The following PRKCQ variants were observed in gnomAD, a reference collection of about 807,000 sequenced individuals.
PRKCQ encodes protein kinase C theta type.
PRKCQ carries 41 observed loss-of-function variants against 91.2 expected under a neutral mutation model. That is an observed-to-expected ratio of 0.45 (90% CI 0.35 to 0.58). PRKCQ has a LOEUF of 0.58. Among genes scored for constraint, PRKCQ ranks in the 20% least tolerant of loss-of-function variants. The pLI is 0.00. For synonymous variants in PRKCQ, 307 were observed against 316.9 expected (o/e 0.97, Z 0.33); for missense variants, 673 against 896.5 (o/e 0.75, Z 3.18).
chr10:6,494,511 C>T (rs759818039), intron 7 of PRKCQ, among the ~76,000 whole-genome samples: 3 of 152,158 alleles, frequency 2.0e-5, no homozygotes, highest in Non-Finnish European at 4.4e-5. Context: ...CCAAGATGCC[C>T]CTGACATTTC....
the PRKCQ span, among the ~76,000 whole-genome samples, chr10:6,407,656 G>A: frequency 6.6e-6 from 1 of 151,892 alleles, no homozygotes; most frequent in African/African-American, 2.4e-5. This position sits in a 1 kb window ranked among gnomAD's most constrained non-coding sequence, Gnocchi z 4.0. Flanking sequence ...GGTTGCATGT[G>A]AATGAATGTG....
At chr10:6,417,569 T>C in the PRKCQ span, among the ~76,000 whole-genome samples, 1 of 152,258 alleles carries the variant, frequency 6.6e-6, no homozygotes, top group Non-Finnish European at 1.5e-5. Flanking sequence ...GCCAGCGTGA[T>C]GCTCAGAATC....
chr10:6,498,782 A>T lies in PRKCQ; in HGVS notation c.380-224T>A, dbSNP rs187872827. Among the ~76,000 whole-genome samples, 9 of 152,256 alleles carry T rather than the reference A, an allele frequency of 5.9e-5. No individual in the cohort carries two copies. In the East Asian group the frequency reaches 1.2e-3, roughly 20 times the overall value. On this transcript the variant is annotated intron_variant, in intron 4 of 17. Coordinates refer to ENST00000263125, the MANE Select transcript of PRKCQ (RefSeq NM_006257.5). Reference sequence around the variant, plus strand: ...TAGGGCATATTGTTAGAGGGTGAAAACAATGTTGGATTGCTGGCTCAATCC... The same window carrying T: ...TAGGGCATATTGTTAGAGGGTGAAATCAATGTTGGATTGCTGGCTCAATCC...
intron 12 of PRKCQ, among the ~76,000 whole-genome samples, chr10:6,470,711 G>A (rs1403510525): frequency 6.6e-6 from 1 of 152,156 alleles, no homozygotes; most frequent in African/African-American, 2.4e-5. Context: ...AGCATTTTGG[G>A]AGCCTGAGGT....
At position 6,497,428 on chromosome 10, in the gene PRKCQ, G is replaced by A. The variant is rs486442; in HGVS notation, c.543-177C>T. 5.9e-5 allele frequency among the ~76,000 whole-genome samples: 9 copies of A among 152,020 alleles called. No homozygotes were observed. The highest frequency in any genetic ancestry group is 1.9e-4 in the African/African-American group (8 of 41,466). ...CAGAGTGTTTTTCATTTGAAGCTGC[G>A]TTTTAAAAAGTTTGATAATTAAATA... On this transcript the variant is annotated intron_variant, in intron 5 of 17. Coordinates refer to ENST00000263125, the MANE Select transcript of PRKCQ (RefSeq NM_006257.5). This position sits in a 1 kb window ranked among gnomAD's most constrained non-coding sequence, Gnocchi z 4.5.
intron 12 of PRKCQ, among the ~76,000 whole-genome samples, chr10:6,473,741 G>A (rs1836117299): frequency 6.6e-6 from 1 of 152,186 alleles, no homozygotes; most frequent in African/African-American, 2.4e-5. Flanking sequence ...GAGAGCTTCA[G>A]ATGAAGCAGT....
intron 1 of PRKCQ, among the ~76,000 whole-genome samples, chr10:6,548,330 T>G (rs1476019782): frequency 2.0e-5 from 3 of 152,018 alleles, no homozygotes; most frequent in Admixed American, 1.3e-4. Context: ...TGTGGCGATT[T>G]CTCAGGGATC....
chr10:6,547,369 T>C (rs1840001865), intron 1 of PRKCQ, among the ~76,000 whole-genome samples: 1 of 151,198 alleles, frequency 6.6e-6, no homozygotes, highest in Non-Finnish European at 1.5e-5. Flanking sequence ...CTTCACAGAA[T>C]TGGAAAAAAC....
At chr10:6,446,073 C>T (rs1477400671) in intron 15 of PRKCQ, among the ~76,000 whole-genome samples, 1 of 152,160 alleles carries the variant, frequency 6.6e-6, no homozygotes, top group Non-Finnish European at 1.5e-5. Context: ...ACACGTGCAG[C>T]AGAGTGTTCG....
intron 1 of PRKCQ, among the ~76,000 whole-genome samples, chr10:6,518,592 C>T (rs908457397): frequency 1.3e-5 from 2 of 152,206 alleles, no homozygotes; most frequent in African/African-American, 2.4e-5. Flanking sequence ...GAAGCCAAGG[C>T]GAGGAGATCA....
At chr10:6,470,371 C>T (rs986585168) in intron 12 of PRKCQ, among the ~76,000 whole-genome samples, 38 of 152,156 alleles carry the variant, frequency 2.5e-4, no homozygotes, top group Non-Finnish European at 4.9e-4. Context: ...TTGATTCTGA[C>T]GCTCATATAT....
At chr10:6,553,476 C>A in intron 1 of PRKCQ, among the ~76,000 whole-genome samples, 2 of 135,984 alleles carry the variant, frequency 1.5e-5, no homozygotes, top group Admixed American at 7.6e-5. Context: ...GGTGACAGAG[C>A]AAGACCCTGT....
the PRKCQ span, among the ~76,000 whole-genome samples, chr10:6,404,616 T>A: frequency 6.7e-6 from 1 of 150,120 alleles, no homozygotes; most frequent in African/African-American, 2.5e-5. Flanking sequence ...TCTCTCTTTC[T>A]TTCTCTCTTT....
the PRKCQ span, among the ~76,000 whole-genome samples, chr10:6,404,585 TTC>T: frequency 4.1e-5 from 6 of 145,450 alleles, no homozygotes; most frequent in Non-Finnish European, 9.0e-5. Context: ...CTTTCTTTCT[TTC>T]TTTTTTTCTC....
At chr10:6,547,931 C>G (rs1272725095) in intron 1 of PRKCQ, among the ~76,000 whole-genome samples, 8 of 150,048 alleles carry the variant, frequency 5.3e-5, no homozygotes, top group Non-Finnish European at 1.2e-4. Flanking sequence ...AAACTACCAT[C>G]AGAGTGAACA....
chr10:6,428,390 AAG>A (rs766792839), intron 17 of PRKCQ, 28 bp from the exon 18 acceptor site: 2 of 1,601,226 alleles, frequency 1.2e-6, no homozygotes, highest in Non-Finnish European at 1.7e-6. Flanking sequence ...GGAAGAAAGA[AAG>A]AGAAGAAAAA....
At chr10:6,458,570 C>G (rs1410308149) in intron 14 of PRKCQ, among the ~76,000 whole-genome samples, 2 of 152,096 alleles carry the variant, frequency 1.3e-5, no homozygotes, top group Non-Finnish European at 2.9e-5. Flanking sequence ...TTAACGGAGG[C>G]AAAGCTTTTC....
At chr10:6,432,653 G>A (rs577344935) in intron 16 of PRKCQ, among the ~76,000 whole-genome samples, 4 of 152,248 alleles carry the variant, frequency 2.6e-5, no homozygotes, top group South Asian at 2.1e-4. Context: ...CAGTTTCCTC[G>A]TGTGTAAAGG....
Position 6,441,990 on chromosome 10 carries a change from T to C in PRKCQ, c.1739A>G (p.His580Arg), listed in dbSNP as rs756728777. The C allele has an allele frequency of 1.2e-6, 2 of 1,614,000 alleles. No individual in the cohort carries two copies. The highest frequency in any genetic ancestry group is 2.7e-5 in the African/African-American group (2 of 74,894). The change falls in exon 16 of 18, where the codon CAC (histidine) becomes CGC (arginine). Residue 580 changes from histidine to arginine, a missense_variant. His to Arg is a conservative substitution (Grantham distance 29, BLOSUM62 0). Coordinates refer to ENST00000263125, the MANE Select transcript of PRKCQ (RefSeq NM_006257.5). ...YEMLIGQSPF[H>R]GQDEEELFHS... is the part of the protein sequence containing the mutation. ...GAAGAGCTCCTCCTCATCCTGCCCG[T>C]GGAAAGGCGACTGACCAATCAGCAT...
Sources: gnomAD v4.1 joint callset for allele counts (sites outside exome capture counted in the v4.1 genomes callset) on GRCh38, gnomAD v4.1.1 for gene constraint, Gnocchi (gnomAD v3.1) non-coding constraint, MANE v1.5 for transcripts, NCBI Gene and HGNC (gene_info 2026-07-23, HGNC 2026-07-21) for gene names.